Variants in APTX observed in about 807,000 individuals in gnomAD.
APTX encodes the protein aprataxin.
A neutral mutation model predicts 42.3 loss-of-function variants in APTX; 33 were observed. The observed-to-expected ratio is 0.78, with a 90% CI of 0.59 to 1.04. The LOEUF (loss-of-function observed/expected upper bound fraction) is 1.04, where lower values mean the gene tolerates loss of function less well. Ranked by LOEUF, APTX falls within the 50% of genes least tolerant of loss-of-function variation. The pLI, the probability that APTX is intolerant of heterozygous loss-of-function variation, is 0.00. For missense variants in APTX, 421 were observed against 415.1 expected, an observed-to-expected ratio of 1.01 and a Z score of -0.12; for synonymous variants, 130 against 146.7, an observed-to-expected ratio of 0.89 and a Z score of 0.82.
Position 32,974,522 on chromosome 9 carries a change from A to C in APTX, c.810T>G (p.Ser270=). 6.2e-7 allele frequency: 1 copy of C among 1,612,556 alleles called. No individual in the cohort carries two copies. The highest frequency in any genetic ancestry group is 8.5e-7 in the Non-Finnish European group (1 of 1,179,524). ...HLHVISQDFD[S]PCLKNKKHWN... is the part of the protein sequence containing the mutation. ...AATGTTTTTTGTTTTTAAGGCAAGG[A>C]GAATCAAAATCCTGGCTGATCACAT... Residue 270 remains serine (S), a synonymous_variant, in exon 7 of 8, where the codon TCT becomes TCG. Transcript: ENST00000379817.
At chr9:32,992,777 G>A (rs1367481891) in intron 1 of APTX, among the ~76,000 whole-genome samples, 2 of 152,198 alleles carry the variant, frequency 1.3e-5, no homozygotes, top group Non-Finnish European at 2.9e-5. Context: ...TTAGTGAGGA[G>A]GCTGTTAATA....
intron 1 of APTX, chr9:33,019,775 A>G: frequency 1.7e-6 from 1 of 599,680 alleles, no homozygotes; most frequent in Non-Finnish European, 2.9e-6. Context: ...AAAGTTGATA[A>G]GGGAAATTCG....
chr9:32,991,185 C>CA (rs758269039), intron 1 of APTX, among the ~76,000 whole-genome samples: 1 of 152,244 alleles, frequency 6.6e-6, no homozygotes, highest in Non-Finnish European at 1.5e-5. Context: ...CTCGGCCTCC[C>CA]AAAGTGCTGG....
chr9:32,985,326 G>GTTTTT (rs5897530), intron 5 of APTX, among the ~76,000 whole-genome samples: 20 of 103,066 alleles, frequency 1.9e-4, no homozygotes, highest in East Asian at 5.7e-4. Context: ...GATGATGCCT[G>GTTTTT]TTTTTTTTTT....
In APTX at chr9:33,015,131, T is replaced by C. The variant is rs563099518; in HGVS notation, c.-5+9892A>G. 5.9e-5 allele frequency among the ~76,000 whole-genome samples: 9 copies of C among 152,326 alleles called. No individual in the cohort carries two copies. In the South Asian group the frequency reaches 1.9e-3, roughly 32 times the overall value. On this transcript the variant is annotated intron_variant, in intron 1 of 6. Coordinates refer to the APTX transcript ENST00000436040. ...TTTCATTCTCCACACTTTTAATGTA[T>C]GGCATCTTGGGGTATATTGTCTCTG... is the stretch of plus-strand genomic sequence containing the variant.
At chr9:33,011,288 AT>A (rs755485623) in intron 1 of APTX, among the ~76,000 whole-genome samples, 166 of 142,200 alleles carry the variant, frequency 1.2e-3, no homozygotes, top group South Asian at 1.1e-3. Context: ...GGAGCACCAT[AT>A]TTTTTTTTTT....
chr9:32,990,101 TGTGA>T (rs1833215762), intron 1 of APTX: 4 of 623,668 alleles, frequency 6.4e-6, no homozygotes, highest in South Asian at 1.9e-5. Context: ...AATGAGATAA[TGTGA>T]GTAAGTATTT....
At chr9:32,993,595 T>C (rs1014246549) in intron 1 of APTX, among the ~76,000 whole-genome samples, 5 of 152,178 alleles carry the variant, frequency 3.3e-5, no homozygotes, top group Admixed American at 1.3e-4. Flanking sequence ...CTTTCCTGCC[T>C]TCTCTCTCCC....
At position 33,006,999 on chromosome 9, in the gene APTX, C is replaced by CAAAAAAAAAAAAAAAAAAAAAAAAA. The variant is rs55924566; in HGVS notation, c.-4-17105_-4-17104insTTTTTTTTTTTTTTTTTTTTTTTTT. Among the ~76,000 whole-genome samples, 10 of 49,444 alleles carry CAAAAAAAAAAAAAAAAAAAAAAAAA rather than the reference C, an allele frequency of 2.0e-4. 1 individual carries two copies. The highest frequency in any genetic ancestry group is 3.1e-4 in the Non-Finnish European group (9 of 28,578). The allele number at this position is 49,444 out of a possible 152,430, so 32.4% of individuals were successfully genotyped here. On this transcript the variant is annotated intron_variant, in intron 1 of 6. Transcript: ENST00000436040. Reference sequence around the variant, plus strand: ...TGGGCGACAGAGCAAGACTCTGTCTCAAAAAAAAAAAAAAAAAAAAAAAAG... The same window carrying CAAAAAAAAAAAAAAAAAAAAAAAAA: ...TGGGCGACAGAGCAAGACTCTGTCTCAAAAAAAAAAAAAAAAAAAAAAAAAAAAAAAAAAAAAAAAAAAAAAAAAG...
intron 6 of APTX, among the ~76,000 whole-genome samples, chr9:32,977,587 T>C (rs1829736804): frequency 6.6e-6 from 1 of 151,298 alleles, no homozygotes; most frequent in African/African-American, 2.4e-5. Context: ...TCCCAGTACT[T>C]TGGGGGGCCA....
intron 1 of APTX, among the ~76,000 whole-genome samples, chr9:33,011,773 A>G (rs1305111325): frequency 6.6e-6 from 1 of 152,134 alleles, no homozygotes; most frequent in African/African-American, 2.4e-5. Flanking sequence ...CTTCCCCTTA[A>G]GGAGCTTTCA....
At chr9:33,024,866 G>GC (rs995382896) in intron 1 of APTX, 6 of 86,914 alleles carry the variant, frequency 6.9e-5, no homozygotes, top group Non-Finnish European at 1.6e-4. Context: ...GTAAGAGGGG[G>GC]GGGGGGGGGG....
At chr9:33,017,710 A>G (rs902507108) in intron 1 of APTX, among the ~76,000 whole-genome samples, 2 of 152,200 alleles carry the variant, frequency 1.3e-5, no homozygotes, top group African/African-American at 4.8e-5. Context: ...CGGACCTTCA[A>G]GGCCCTCTCC....
chr9:33,002,960 T>C (rs1836801273), upstream of APTX, among the ~76,000 whole-genome samples: 1 of 152,114 alleles, frequency 6.6e-6, no homozygotes, highest in Non-Finnish European at 1.5e-5. Context: ...AGGTTTATAT[T>C]AGGGTCATAT....
intron 7 of APTX, among the ~76,000 whole-genome samples, chr9:32,974,113 C>T (rs967959633): frequency 6.6e-6 from 1 of 152,174 alleles, no homozygotes; most frequent in African/African-American, 2.4e-5. Context: ...AGCCCCAAAG[C>T]TCCCACCCAA....
intron 2 of APTX, among the ~76,000 whole-genome samples, chr9:32,988,812 A>T (rs1235294623): frequency 6.6e-6 from 1 of 152,190 alleles, no homozygotes; most frequent in Non-Finnish European, 1.5e-5. Context: ...AAGATAAAAC[A>T]GTAAAAGACA....
intron 1 of APTX, among the ~76,000 whole-genome samples, chr9:33,008,292 T>G (rs1837301863): frequency 6.6e-6 from 1 of 151,514 alleles, no homozygotes; most frequent in Non-Finnish European, 1.5e-5. Flanking sequence ...TGGCTACATA[T>G]CCAAGTAAAA....
chr9:32,988,062 C>G (rs765752653), intron 3 of APTX, 21 bp downstream of exon 3: 2 of 1,612,280 alleles, frequency 1.2e-6, no homozygotes, highest in Non-Finnish European at 1.7e-6. Flanking sequence ...GTATAAAATT[C>G]CAAGTTATAA....
chr9:32,989,676 C>A lies in APTX; in HGVS notation c.133+83G>T, dbSNP rs528961441. On this transcript the variant is annotated intron_variant, in intron 2 of 7. Coordinates refer to ENST00000379817, the MANE Select transcript of APTX (RefSeq NM_001195248.2). ...TTTTGGCAGACAATAGATTTTCCAT[C>A]AAGATCACCCAGAAAATATGCATCT... The A allele has an allele frequency of 5.2e-5, 84 of 1,603,978 alleles. 1 individual carries two copies. The South Asian group carries it at 7.9e-4, about 15-fold the overall frequency.
Sources: allele counts gnomAD v4.1 joint callset (sites outside exome capture counted in the v4.1 genomes callset), GRCh38; gene constraint gnomAD v4.1.1; transcripts MANE v1.5; gene names NCBI Gene and HGNC (gene_info 2026-07-23, HGNC 2026-07-21).